CBFA2T2: variants seen among roughly 807,000 people sequenced by gnomAD.
CBFA2T2 encodes the protein CBFA2/RUNX1 partner transcriptional co-repressor 2, also known as protein CBFA2T2.
Under a neutral mutation model 62.2 loss-of-function variants are expected in CBFA2T2, and 11 were observed. That is an observed-to-expected ratio of 0.18 (90% CI 0.11 to 0.29). The LOEUF is 0.29. CBFA2T2 is among the 10% of genes least tolerant of loss of function. The pLI, the probability that CBFA2T2 is intolerant of heterozygous loss-of-function variation, is 1.00. For missense variants in CBFA2T2, 592 were observed against 774.1 expected, an observed-to-expected ratio of 0.76 and a Z score of 2.79; for synonymous variants, 295 against 287.5, an observed-to-expected ratio of 1.03 and a Z score of -0.27.
chr20:33,564,726 C>T (rs941567120), intron 1 of CBFA2T2, among the ~76,000 whole-genome samples: 16 of 151,796 alleles, frequency 1.1e-4, no homozygotes, highest in African/African-American at 3.4e-4. Context: ...ACCACAGGCA[C>T]GCACCACCAC....
rs959614787 is a variant in CBFA2T2, at chr20:33,564,130, T to C, written c.35-42826T>C. 1.6e-4 allele frequency among the ~76,000 whole-genome samples: 25 copies of C among 152,196 alleles called. 1 individual carries two copies. Among genetic ancestry groups the C allele is most frequent in the South Asian group, 4.1e-4 (2 of 4,828 alleles). On this transcript the variant is annotated intron_variant, in intron 1 of 10. Coordinates refer to ENST00000342704, the MANE Select transcript of CBFA2T2 (RefSeq NM_001032999.3). ...TCAAATAGAAACTTTAAAAAATATTTTTATTCCTTAAAGTTCTTCAGCCTT... is the reference window on the plus strand; with the variant it reads ...TCAAATAGAAACTTTAAAAAATATTCTTATTCCTTAAAGTTCTTCAGCCTT...
In CBFA2T2 at chr20:33,632,636, GT is replaced by G. The variant is rs1260741221; in HGVS notation, c.1228+2734del. Among the ~76,000 whole-genome samples the G allele has an allele frequency of 1.1e-3, 158 of 142,906 alleles. 3 individuals are homozygous for G. Among genetic ancestry groups the G allele is most frequent in the Admixed American group, 9.2e-3 (131 of 14,282 alleles). The allele number at this position is 142,906 out of a possible 152,430, so 93.8% of individuals were successfully genotyped here. On this transcript the variant is annotated intron_variant, in intron 8 of 10. Coordinates refer to ENST00000342704, the MANE Select transcript of CBFA2T2 (RefSeq NM_001032999.3). ...AGCGCCTGCCACCACACCCGGCTGA[GT>G]TTTTTTTTTTTCAGTAGAGACGGCT...
intron 7 of CBFA2T2, 149 bp from the exon 8 acceptor site, chr20:33,629,570 A>G (rs1295541489): frequency 2.0e-5 from 14 of 705,658 alleles, no homozygotes; most frequent in Non-Finnish European, 3.0e-5. Flanking sequence ...GGAGAAACAG[A>G]CAGCAATAAA....
At chr20:33,521,008 G>T in intron 1 of CBFA2T2, among the ~76,000 whole-genome samples, 1 of 145,984 alleles carries the variant, frequency 6.9e-6, no homozygotes, top group Non-Finnish European at 1.5e-5. Context: ...ACAATTTTCA[G>T]CTGCCATCCT....
intron 1 of CBFA2T2, among the ~76,000 whole-genome samples, chr20:33,534,074 C>G (rs986842916): frequency 6.6e-6 from 1 of 152,166 alleles, no homozygotes. Flanking sequence ...AGTGATACTC[C>G]TGCCTTGGCC....
At chr20:33,627,694 A>G (rs2016292967) in intron 6 of CBFA2T2, among the ~76,000 whole-genome samples, 1 of 152,170 alleles carries the variant, frequency 6.6e-6, no homozygotes, top group South Asian at 2.1e-4. Context: ...ATATATACTG[A>G]AATAAACAGA....
intron 1 of CBFA2T2, among the ~76,000 whole-genome samples, chr20:33,537,345 G>T (rs1043170498): frequency 6.6e-6 from 1 of 152,244 alleles, no homozygotes; most frequent in Admixed American, 6.5e-5. Flanking sequence ...AAACCAGTCA[G>T]GCGTGGCAGC....
intron 1 of CBFA2T2, among the ~76,000 whole-genome samples, chr20:33,593,418 CAG>C (rs1303314473): frequency 2.9e-5 from 3 of 104,714 alleles, no homozygotes; most frequent in Non-Finnish European, 5.5e-5. Flanking sequence ...TTTTTTGAGA[CAG>C]AGTCTCACTG....
At chr20:33,506,420 A>G (rs951105738) in intron 1 of CBFA2T2, among the ~76,000 whole-genome samples, 1 of 152,184 alleles carries the variant, frequency 6.6e-6, no homozygotes, top group Non-Finnish European at 1.5e-5. Flanking sequence ...GAAAAAAATT[A>G]ATACAGATAA....
intron 1 of CBFA2T2, among the ~76,000 whole-genome samples, chr20:33,499,030 T>G (rs2011236737): frequency 7.0e-6 from 1 of 142,696 alleles, no homozygotes; most frequent in Non-Finnish European, 1.5e-5. Context: ...GGCGAAAGAG[T>G]GAAACTCCGT....
intron 6 of CBFA2T2, among the ~76,000 whole-genome samples, chr20:33,626,562 C>T (rs577260902): frequency 2.6e-5 from 4 of 152,270 alleles, no homozygotes; most frequent in South Asian, 2.1e-4. Context: ...TTGGACAGAG[C>T]GGTTTGTCAT....
At chr20:33,506,586 A>G (rs556258855) in intron 1 of CBFA2T2, among the ~76,000 whole-genome samples, 1 of 152,240 alleles carries the variant, frequency 6.6e-6, no homozygotes, top group East Asian at 1.9e-4. Flanking sequence ...CTGTGCCCTA[A>G]CAGTTTTTGG....
chr20:33,496,107 T>C (rs1011225027), intron 1 of CBFA2T2, among the ~76,000 whole-genome samples: 3 of 152,174 alleles, frequency 2.0e-5, no homozygotes, highest in African/African-American at 7.2e-5. Flanking sequence ...TAATTATTCC[T>C]TGAGATTCCA....
intron 1 of CBFA2T2, among the ~76,000 whole-genome samples, chr20:33,576,225 CA>C (rs1239688188): frequency 1.3e-5 from 2 of 152,252 alleles, no homozygotes; most frequent in East Asian, 3.9e-4. Context: ...ACAGGGAAAG[CA>C]GGGCATTGCA....
intron 1 of CBFA2T2, among the ~76,000 whole-genome samples, chr20:33,599,123 TCAG>T (rs1194516099): frequency 6.6e-6 from 1 of 152,144 alleles, no homozygotes; most frequent in Admixed American, 6.5e-5. Flanking sequence ...TTAGCTGGGC[TCAG>T]TGGCATGTGC....
At chr20:33,548,447 T>C (rs1019267371) in intron 1 of CBFA2T2, among the ~76,000 whole-genome samples, 3 of 151,650 alleles carry the variant, frequency 2.0e-5, no homozygotes, top group African/African-American at 7.3e-5. Context: ...TTTCACCATG[T>C]TGGCCAGGCT....
intron 5 of CBFA2T2, among the ~76,000 whole-genome samples, 168 bp downstream of exon 5, chr20:33,623,464 C>T (rs2016075897): frequency 6.6e-6 from 1 of 152,262 alleles, no homozygotes; most frequent in East Asian, 1.9e-4. Flanking sequence ...GCAATCTTTG[C>T]TCCCTGCAGC....
chr20:33,644,959 T>C lies in CBFA2T2; in HGVS notation c.*313T>C. On this transcript the variant is annotated 3_prime_UTR_variant, in exon 11 of 11. Transcript: ENST00000342704. Reference sequence around the variant, plus strand: ...TTTCAGTGTAGACCACCAGCTCCCCTCCCCATCTCCTTGAGTCAGCAGACT... The same window carrying C: ...TTTCAGTGTAGACCACCAGCTCCCCCCCCCATCTCCTTGAGTCAGCAGACT... 1 of 312,378 alleles carries C rather than the reference T, an allele frequency of 3.2e-6. No individual in the cohort carries two copies. The highest frequency in any genetic ancestry group is 6.4e-5 in the East Asian group (1 of 15,606). The allele number at this position is 312,378 out of a possible 1,614,324, so 19.4% of individuals were successfully genotyped here. A position where few individuals can be genotyped will look rare whatever the true frequency, so the allele number is the denominator to read the frequency against.
rs1049124877 is a variant in CBFA2T2 at position 33,645,050 on chromosome 20, C to T, written c.*404C>T. On this transcript the variant is annotated 3_prime_UTR_variant, in exon 11 of 11. Transcript: ENST00000342704. Reference sequence around the variant, plus strand: ...GCAGCAGGCTGTGGAGGAGGCCCCTCGGTCAGGGAGCGGCCTGCCTCACCC... The same window carrying T: ...GCAGCAGGCTGTGGAGGAGGCCCCTTGGTCAGGGAGCGGCCTGCCTCACCC... 6.8e-5 allele frequency: 13 copies of T among 190,976 alleles called. No individual in the cohort carries two copies. The highest frequency in any genetic ancestry group is 2.3e-4 in the Admixed American group (4 of 17,752). 11.8% of individuals were successfully genotyped at this position (190,976 alleles called of 1,614,324 possible).
Sources: gnomAD v4.1 joint callset for allele counts (sites outside exome capture counted in the v4.1 genomes callset) on GRCh38, gnomAD v4.1.1 for gene constraint, MANE v1.5 for transcripts, NCBI Gene and HGNC (gene_info 2026-07-23, HGNC 2026-07-21) for gene names.